ARHGAP6: variants seen among roughly 807,000 people sequenced by gnomAD.
ARHGAP6 encodes Rho GTPase activating protein 6.
ARHGAP6 carries 16 observed loss-of-function variants against 55.7 expected under a neutral mutation model. The ratio of observed to expected loss-of-function variants is 0.29; its 90% CI spans 0.19 to 0.44. ARHGAP6 has a LOEUF of 0.44. ARHGAP6 is among the 20% of genes least tolerant of loss of function. The pLI is 1.00. For synonymous variants in ARHGAP6, 382 were observed against 360.9 expected, an observed-to-expected ratio of 1.06 and a Z score of -0.66; for missense variants, 698 against 808.9, an observed-to-expected ratio of 0.86 and a Z score of 1.66.
chrX:11,299,276 T>C (rs1056110088), intron 1 of ARHGAP6, among the ~76,000 whole-genome samples: 3 of 111,988 alleles, frequency 2.7e-5, no homozygotes, highest in African/African-American at 9.7e-5. Context: ...CCCCATGAAT[T>C]TTAAGGGCAA....
chrX:11,552,601 GACAC>G (rs769582716), intron 1 of ARHGAP6, among the ~76,000 whole-genome samples: 364 of 35,932 alleles, frequency 0.01, 7 homozygotes, highest in African/African-American at 0.025. Flanking sequence ...TATATATATA[GACAC>G]ACACACACAC....
intron 1 of ARHGAP6, among the ~76,000 whole-genome samples, chrX:11,502,580 T>C (rs1336093685): frequency 8.9e-6 from 1 of 112,185 alleles, no homozygotes; most frequent in Non-Finnish European, 1.9e-5. Context: ...CTTTGCCACC[T>C]CTGAGACAGC....
intron 1 of ARHGAP6, among the ~76,000 whole-genome samples, chrX:11,490,323 C>T (rs779672794): frequency 9.0e-6 from 1 of 111,675 alleles, no homozygotes; most frequent in Non-Finnish European, 1.9e-5. Context: ...GGGTGGACTC[C>T]AAAAGCTGAG....
intron 1 of ARHGAP6, among the ~76,000 whole-genome samples, chrX:11,613,353 G>C (rs1224591686): frequency 8.9e-6 from 1 of 112,485 alleles, no homozygotes; most frequent in South Asian, 3.7e-4. Flanking sequence ...ACAGTGAACA[G>C]AGAAAGATGA....
intron 1 of ARHGAP6, among the ~76,000 whole-genome samples, chrX:11,411,227 T>C (rs1358794860): frequency 1.9e-5 from 1 of 52,638 alleles, no homozygotes; most frequent in Non-Finnish European, 3.5e-5. Flanking sequence ...ATATATAAAA[T>C]ATACAAATAT....
At chrX:11,212,192 T>C (rs955583300) in intron 2 of ARHGAP6, among the ~76,000 whole-genome samples, 2 of 112,333 alleles carry the variant, frequency 1.8e-5, no homozygotes, top group African/African-American at 6.5e-5. Context: ...GTTGGATTCC[T>C]GAAGGTGCCT....
At chrX:11,470,946 TC>T (rs775787022) in intron 1 of ARHGAP6, among the ~76,000 whole-genome samples, 12 of 112,185 alleles carry the variant, frequency 1.1e-4, no homozygotes, top group South Asian at 3.7e-4. Flanking sequence ...TACTTCTACC[TC>T]CTTCCTAGAC....
At chrX:11,315,975 T>A (rs762726092) in intron 1 of ARHGAP6, among the ~76,000 whole-genome samples, 5 of 112,053 alleles carry the variant, frequency 4.5e-5, no homozygotes, top group African/African-American at 1.6e-4. Context: ...GTGTTCCCCA[T>A]CTAAGTCAAT....
At chrX:11,478,651 T>G (rs2050426479) in intron 1 of ARHGAP6, among the ~76,000 whole-genome samples, 2 of 111,550 alleles carry the variant, frequency 1.8e-5, no homozygotes, top group Admixed American at 1.9e-4. Context: ...AATATTGCTG[T>G]GTTTTACTAA....
intron 8 of ARHGAP6, among the ~76,000 whole-genome samples, chrX:11,175,746 C>T (rs1250629099): frequency 9.0e-6 from 1 of 110,752 alleles, no homozygotes; most frequent in Non-Finnish European, 1.9e-5. Flanking sequence ...GGGAAGAGGC[C>T]GGGGATGCTG....
chrX:11,343,956 G>C (rs1345316537), intron 1 of ARHGAP6, among the ~76,000 whole-genome samples: 2 of 111,727 alleles, frequency 1.8e-5, no homozygotes, highest in Admixed American at 9.5e-5. Flanking sequence ...AAGATCACTT[G>C]GTTCCTGATA....
chrX:11,235,366 C>T (rs1449416746), intron 2 of ARHGAP6, among the ~76,000 whole-genome samples: 2 of 112,202 alleles, frequency 1.8e-5, no homozygotes, highest in African/African-American at 3.2e-5. Context: ...TGCATAGAGC[C>T]GGGGGGCCCT....
chrX:11,492,993 T>C (rs761459508), intron 1 of ARHGAP6, among the ~76,000 whole-genome samples: 30 of 111,954 alleles, frequency 2.7e-4, no homozygotes, highest in African/African-American at 8.4e-4. Flanking sequence ...ATGTTGAAGA[T>C]GGCAAAGCCA....
At chrX:11,192,826 T>C (rs2046478110) in intron 3 of ARHGAP6, among the ~76,000 whole-genome samples, 1 of 111,977 alleles carries the variant, frequency 8.9e-6, no homozygotes, top group Non-Finnish European at 1.9e-5. Context: ...TAGTAAAACC[T>C]ATTCCCCATG....
chrX:11,341,285 T>G (rs1303094306), intron 1 of ARHGAP6, among the ~76,000 whole-genome samples: 2 of 111,594 alleles, frequency 1.8e-5, no homozygotes, highest in African/African-American at 3.3e-5. Context: ...TTAGAGTTTT[T>G]TTGTTGTTGT....
chrX:11,642,564 A>G (rs755775688), intron 1 of ARHGAP6, among the ~76,000 whole-genome samples: 2 of 112,317 alleles, frequency 1.8e-5, no homozygotes, highest in African/African-American at 6.4e-5. Context: ...GAATGGATCA[A>G]TAAGATGTGG....
intron 1 of ARHGAP6, among the ~76,000 whole-genome samples, chrX:11,377,016 T>C (rs2049208761): frequency 8.9e-6 from 1 of 111,869 alleles, no homozygotes; most frequent in African/African-American, 3.3e-5. Flanking sequence ...TTAAAGTAAT[T>C]TGCCTGGTTC....
chrX:11,533,019 CT>C (rs1373412250), intron 1 of ARHGAP6, among the ~76,000 whole-genome samples: 1 of 111,547 alleles, frequency 9.0e-6, no homozygotes, highest in Non-Finnish European at 1.9e-5. Flanking sequence ...CAGGATTCAT[CT>C]GTTTCAACTC....
chrX:11,453,192 C>G (rs59199930), intron 1 of ARHGAP6, among the ~76,000 whole-genome samples: 8 of 95,574 alleles, frequency 8.4e-5, no homozygotes, highest in Admixed American at 1.2e-4. Flanking sequence ...CTCTCTCTCT[C>G]TCTATATATA....
Sources: allele counts gnomAD v4.1 joint callset (sites outside exome capture counted in the v4.1 genomes callset), GRCh38; gene constraint gnomAD v4.1.1; transcripts MANE v1.5; gene names NCBI Gene and HGNC (gene_info 2026-07-23, HGNC 2026-07-21).